The following CTNNA3 variants were observed in gnomAD, a reference collection of about 807,000 sequenced individuals.
CTNNA3 encodes catenin alpha 3.
CTNNA3 carries 76 observed loss-of-function variants against 95.7 expected under a neutral mutation model. That is an observed-to-expected ratio of 0.79 (90% CI 0.66 to 0.96). The LOEUF is 0.96. Ranked by LOEUF, CTNNA3 falls within the 40% of genes least tolerant of loss-of-function variation. The probability of loss-of-function intolerance (pLI) is 0.00; values close to 1 mark genes in which losing one functional copy is unlikely to be tolerated. For missense variants in CTNNA3, 1,191 were observed against 1,089.8 expected (o/e 1.09, Z -1.31); for synonymous variants, 431 against 374.4 (o/e 1.15, Z -1.74).
intron 15 of CTNNA3, among the ~76,000 whole-genome samples, chr10:66,000,087 A>T (rs2078741086): frequency 6.6e-6 from 1 of 152,190 alleles, no homozygotes; most frequent in Non-Finnish European, 1.5e-5. Flanking sequence ...AGTAAAATGT[A>T]ATAAAGATAA....
At chr10:66,281,790 T>C (rs1460264957) in intron 12 of CTNNA3, among the ~76,000 whole-genome samples, 1 of 151,722 alleles carries the variant, frequency 6.6e-6, no homozygotes, top group Non-Finnish European at 1.5e-5. Context: ...GAAATTTTGA[T>C]GATATACATG....
At chr10:66,585,836 T>A (rs906179459) in intron 10 of CTNNA3, among the ~76,000 whole-genome samples, 2 of 152,086 alleles carry the variant, frequency 1.3e-5, no homozygotes, top group African/African-American at 2.4e-5. Flanking sequence ...ACAACTCAAA[T>A]GTTTTTTATG....
At chr10:66,792,387 A>G (rs149687938) in intron 7 of CTNNA3, among the ~76,000 whole-genome samples, 82 of 152,258 alleles carry the variant, frequency 5.4e-4, no homozygotes, top group African/African-American at 1.8e-3. Flanking sequence ...CTTAATTTGC[A>G]TAAGAATCTC....
intron 5 of CTNNA3, among the ~76,000 whole-genome samples, chr10:67,414,476 G>T (rs1212665625): frequency 6.6e-6 from 1 of 152,092 alleles, no homozygotes; most frequent in East Asian, 1.9e-4. Context: ...TGGACCAAGT[G>T]AATTCACACC....
At chr10:67,120,083 C>A (rs1193646981) in intron 7 of CTNNA3, among the ~76,000 whole-genome samples, 1 of 151,844 alleles carries the variant, frequency 6.6e-6, no homozygotes, top group African/African-American at 2.4e-5. Context: ...AAGAGGGATG[C>A]AGAATTTTGT....
rs144478942 is a variant in CTNNA3 at position 67,140,395 on chromosome 10, C to T, written c.1047+39922G>A. ...TAGCAAAATGGGCTGCATTAATAGT[C>T]CAGCTCTAACACAGAAGAAGCATTC... On this transcript the variant is annotated intron_variant, in intron 7 of 17. Transcript: ENST00000433211. Among the ~76,000 whole-genome samples the T allele has an allele frequency of 1.7e-3, 258 of 152,062 alleles. 1 individual carries two copies. The highest frequency in any genetic ancestry group is 5.3e-3 in the African/African-American group (221 of 41,494).
intron 4 of CTNNA3, among the ~76,000 whole-genome samples, chr10:67,523,785 T>G (rs1299930138): frequency 1.3e-5 from 2 of 152,212 alleles, no homozygotes; most frequent in African/African-American, 4.8e-5. Flanking sequence ...CAACATAATT[T>G]TAATGACCTT....
chr10:66,160,300 T>C (rs949514499), intron 13 of CTNNA3, among the ~76,000 whole-genome samples: 4 of 152,098 alleles, frequency 2.6e-5, no homozygotes, highest in African/African-American at 9.7e-5. Flanking sequence ...TCAGTCTTTT[T>C]GATGTAGGCG....
upstream of CTNNA3, among the ~76,000 whole-genome samples, chr10:67,699,796 T>C (rs937140003): frequency 2.0e-5 from 3 of 152,146 alleles, no homozygotes; most frequent in African/African-American, 7.2e-5. Flanking sequence ...CAGTGCACCG[T>C]TCGCGAGCCG....
At chr10:67,538,634 G>C (rs1471388340) in intron 4 of CTNNA3, among the ~76,000 whole-genome samples, 1 of 151,602 alleles carries the variant, frequency 6.6e-6, no homozygotes, top group Non-Finnish European at 1.5e-5. Flanking sequence ...TGCAAAGAAA[G>C]GTTTAGCTTA....
chr10:66,460,082 A>G (rs999686725), intron 11 of CTNNA3, among the ~76,000 whole-genome samples: 6 of 152,158 alleles, frequency 3.9e-5, no homozygotes, highest in Non-Finnish European at 5.9e-5. Context: ...TAAAATTCCT[A>G]TTCCAAATGG....
At chr10:66,427,777 G>A (rs893183342) in intron 11 of CTNNA3, among the ~76,000 whole-genome samples, 6 of 151,814 alleles carry the variant, frequency 4.0e-5, no homozygotes, top group East Asian at 2.0e-4. Flanking sequence ...AGGAACAACC[G>A]GTACCAGCCA....
At chr10:67,690,794 A>G (rs548112437) in intron 1 of CTNNA3, among the ~76,000 whole-genome samples, 2 of 152,344 alleles carry the variant, frequency 1.3e-5, no homozygotes, top group South Asian at 4.1e-4. Context: ...GCGATGAGAA[A>G]AGGAGCTTGT....
chr10:67,219,443 T>A lies in CTNNA3; in HGVS notation c.843+164A>T, dbSNP rs185707562. On this transcript the variant is annotated intron_variant, in intron 6 of 17. Coordinates refer to ENST00000433211, the MANE Select transcript of CTNNA3 (RefSeq NM_013266.4). ...TCAGAAGTTTACTAACAGAGTACTT[T>A]CCTGTTAATCAATTCTTTGGAAGAC... 6.7e-3 allele frequency among the ~76,000 whole-genome samples: 1,023 copies of A among 152,292 alleles called. 42 individuals carry two copies. Among genetic ancestry groups the A allele is most frequent in the Non-Finnish European group, 1.2e-3 (80 of 68,034 alleles).
intron 7 of CTNNA3, among the ~76,000 whole-genome samples, chr10:67,070,107 T>C (rs890348219): frequency 2.0e-5 from 3 of 152,210 alleles, no homozygotes; most frequent in Non-Finnish European, 2.9e-5. Flanking sequence ...TGTGTAGTAT[T>C]ATCACATTTT....
chr10:67,468,971 G>C (rs1387247513), intron 5 of CTNNA3, among the ~76,000 whole-genome samples: 1 of 152,150 alleles, frequency 6.6e-6, no homozygotes, highest in Non-Finnish European at 1.5e-5. Context: ...TTCGTATAAG[G>C]AAGCTTAAGC....
intron 7 of CTNNA3, among the ~76,000 whole-genome samples, chr10:67,094,858 T>C (rs1410034360): frequency 6.6e-6 from 1 of 151,720 alleles, no homozygotes; most frequent in Non-Finnish European, 1.5e-5. Context: ...ATATCATGTA[T>C]ATATCCATAG....
intron 1 of CTNNA3, among the ~76,000 whole-genome samples, chr10:67,685,481 G>A (rs1283548736): frequency 2.0e-5 from 3 of 152,192 alleles, no homozygotes; most frequent in Non-Finnish European, 4.4e-5. Context: ...GTCCTGAAGG[G>A]AGTTCCTCCT....
intron 1 of CTNNA3, among the ~76,000 whole-genome samples, chr10:67,707,406 C>A (rs1200466284): frequency 1.3e-5 from 2 of 152,062 alleles, no homozygotes; most frequent in Non-Finnish European, 2.9e-5. Flanking sequence ...ATAAAATAAC[C>A]AACCATATTC....
Sources: gnomAD v4.1 joint callset for allele counts (sites outside exome capture counted in the v4.1 genomes callset) on GRCh38, gnomAD v4.1.1 for gene constraint, MANE v1.5 for transcripts, NCBI Gene and HGNC (gene_info 2026-07-23, HGNC 2026-07-21) for gene names.